Variants in MAST4 observed in about 807,000 individuals in gnomAD.
MAST4 encodes the protein microtubule-associated serine/threonine-protein kinase 4.
Under a neutral mutation model 162.7 loss-of-function variants are expected in MAST4, and 89 were observed. The ratio of observed to expected loss-of-function variants is 0.55; its 90% CI spans 0.46 to 0.65. The LOEUF is 0.65. Ranked by LOEUF, MAST4 falls within the 30% of genes least tolerant of loss-of-function variation. MAST4 has a pLI of 0.00. For synonymous variants in MAST4, 1,479 were observed against 1,361.1 expected (o/e 1.09, Z -1.91); for missense variants, 3,153 against 3,374.0 (o/e 0.93, Z 1.62).
At chr5:66,695,492 A>G (rs1749341171) in intron 1 of MAST4, among the ~76,000 whole-genome samples, 1 of 152,140 alleles carries the variant, frequency 6.6e-6, no homozygotes, top group Non-Finnish European at 1.5e-5. Flanking sequence ...TGTCTTGGCT[A>G]TATGGGCTCT....
chr5:66,618,910 G>A (rs563135034), intron 1 of MAST4, among the ~76,000 whole-genome samples: 4 of 152,128 alleles, frequency 2.6e-5, no homozygotes, highest in Non-Finnish European at 5.9e-5. Context: ...CAGGGCATCG[G>A]TGTCTTTCTG....
At chr5:66,828,121 A>G (rs1757362325) in intron 3 of MAST4, among the ~76,000 whole-genome samples, 1 of 152,168 alleles carries the variant, frequency 6.6e-6, no homozygotes. Flanking sequence ...CAGCAGAACT[A>G]AGTTATTATC....
At chr5:66,779,205 G>GA (rs1402579626) in intron 2 of MAST4, among the ~76,000 whole-genome samples, 5 of 152,166 alleles carry the variant, frequency 3.3e-5, no homozygotes, top group Non-Finnish European at 7.3e-5. Flanking sequence ...ACAGTCTTAA[G>GA]ACCTTGATGC....
intron 4 of MAST4, among the ~76,000 whole-genome samples, chr5:66,953,972 G>C (rs1241108069): frequency 6.6e-6 from 1 of 152,140 alleles, no homozygotes; most frequent in South Asian, 2.1e-4. Flanking sequence ...CTACTCTAGA[G>C]AATGCATAGA....
chr5:66,955,661 G>C (rs1745223194), intron 4 of MAST4, among the ~76,000 whole-genome samples: 1 of 152,086 alleles, frequency 6.6e-6, no homozygotes, highest in Non-Finnish European at 1.5e-5. Flanking sequence ...AACTCTATAT[G>C]TATTACTTCA....
intron 26 of MAST4, among the ~76,000 whole-genome samples, chr5:67,156,158 C>T (rs112941275): frequency 7.8e-4 from 118 of 151,842 alleles, no homozygotes; most frequent in Non-Finnish European, 1.4e-3. Flanking sequence ...CGGGAATAAA[C>T]GCATGTAATC....
chr5:67,063,913 G>T (rs992794181), intron 5 of MAST4, among the ~76,000 whole-genome samples: 1 of 152,184 alleles, frequency 6.6e-6, no homozygotes. Flanking sequence ...TGGAAGACTG[G>T]ACGGGACATT....
At chr5:67,160,792 T>C (rs1344382157) in intron 27 of MAST4, among the ~76,000 whole-genome samples, 200 bp downstream of exon 27, 1 of 152,222 alleles carries the variant, frequency 6.6e-6, no homozygotes, top group African/African-American at 2.4e-5. Context: ...CATATTTACA[T>C]TGTGGAAGGA....
chr5:66,884,753 C>T lies in MAST4; in HGVS notation c.643-15198C>T, dbSNP rs150776295. Among the ~76,000 whole-genome samples the T allele has an allele frequency of 5.5e-3, 843 of 152,320 alleles. 4 individuals carry two copies. Among genetic ancestry groups the T allele is most frequent in the African/African-American group, 0.019 (788 of 41,574 alleles). On this transcript the variant is annotated intron_variant, in intron 3 of 28. Coordinates refer to ENST00000403625, the MANE Select transcript of MAST4 (RefSeq NM_001164664.2). Reference sequence around the variant, plus strand: ...CCTCAAATGAAAAAAGACGGCTAGCCGCCTAGACTGCAATTGCAAGGAAAG... The same window carrying T: ...CCTCAAATGAAAAAAGACGGCTAGCTGCCTAGACTGCAATTGCAAGGAAAG...
Position 67,164,165 on chromosome 5 carries a change from A to G in MAST4, c.4986A>G (p.Glu1662=), listed in dbSNP as rs1281626359. Residue 1662 remains glutamate (E), a synonymous_variant, in exon 29 of 29, where the codon GAA becomes GAG. Coordinates refer to ENST00000403625, the MANE Select transcript of MAST4 (RefSeq NM_001164664.2). The surrounding 1 kb of genome is among the most constrained non-coding windows in gnomAD (Gnocchi z 5.3). ...ACAGGGGCATCTCTGGGAAGGGGGA[A>G]GGCACGGAGAAGTCCTCCCAGGCCA... ...SLDRGISGKG[E]GTEKSSQAKE... 3 of 1,610,050 alleles carry G rather than the reference A, an allele frequency of 1.9e-6. No homozygotes were observed. The highest frequency in any genetic ancestry group is 1.1e-5 in the South Asian group (1 of 90,184).
At chr5:67,022,359 G>A (rs1453047252) in intron 4 of MAST4, among the ~76,000 whole-genome samples, 2 of 151,622 alleles carry the variant, frequency 1.3e-5, no homozygotes, top group Admixed American at 6.6e-5. Flanking sequence ...CTCTCATATT[G>A]CATGGTACAT....
At chr5:67,042,926 G>C (rs939155303) in intron 4 of MAST4, among the ~76,000 whole-genome samples, 26 of 152,312 alleles carry the variant, frequency 1.7e-4, no homozygotes, top group African/African-American at 6.3e-4. Flanking sequence ...CATGAAATCA[G>C]GGACAGTTCA....
chr5:66,888,253 C>G (rs1160623486), intron 3 of MAST4, among the ~76,000 whole-genome samples: 1 of 152,116 alleles, frequency 6.6e-6, no homozygotes, highest in African/African-American at 2.4e-5. Flanking sequence ...CATTAATCTT[C>G]CATCGTGCTC....
chr5:66,758,486 G>A (rs1305079639), intron 1 of MAST4, among the ~76,000 whole-genome samples: 1 of 151,884 alleles, frequency 6.6e-6, no homozygotes, highest in East Asian at 1.9e-4. Context: ...CTGCAGTCAT[G>A]GCTCACTGTA....
At chr5:66,737,149 G>T (rs1451859074) in intron 1 of MAST4, among the ~76,000 whole-genome samples, 1 of 152,182 alleles carries the variant, frequency 6.6e-6, no homozygotes, top group African/African-American at 2.4e-5. Flanking sequence ...AGCTGGTTGG[G>T]TGGCTCTGGG....
At chr5:67,104,808 A>G (rs1051256015) in intron 10 of MAST4, among the ~76,000 whole-genome samples, 10 of 152,194 alleles carry the variant, frequency 6.6e-5, no homozygotes, top group African/African-American at 2.4e-4. Flanking sequence ...TTAGGACCCA[A>G]CAATCTATGA....
chr5:67,131,789 C>T lies in MAST4; in HGVS notation c.1955-24C>T, dbSNP rs1304052229. 3.1e-6 allele frequency: 5 copies of T among 1,609,894 alleles called. No individual in the cohort carries two copies. The Admixed American group carries it at 6.7e-5, about 22-fold the overall frequency. On this transcript the variant is annotated intron_variant, in intron 15 of 28. Coordinates refer to ENST00000403625, the MANE Select transcript of MAST4 (RefSeq NM_001164664.2). ...ACATTAAGCCTTCATCCTATAGCTA[C>T]TAACTCTTTTTCCTGTGTTACAGGG...
intron 1 of MAST4, among the ~76,000 whole-genome samples, chr5:66,676,553 A>T (rs901340386): frequency 6.6e-6 from 1 of 152,210 alleles, no homozygotes; most frequent in Non-Finnish European, 1.5e-5. Context: ...ATACGAATTC[A>T]TCATAAAGCT....
At chr5:67,046,286 C>T (rs900074955) in intron 4 of MAST4, among the ~76,000 whole-genome samples, 4 of 152,180 alleles carry the variant, frequency 2.6e-5, no homozygotes, top group African/African-American at 4.8e-5. Flanking sequence ...ACTGAAATTA[C>T]GAGATTATTT....
Sources: allele counts gnomAD v4.1 joint callset (sites outside exome capture counted in the v4.1 genomes callset), GRCh38; gene constraint gnomAD v4.1.1; non-coding constraint Gnocchi (gnomAD v3.1); transcripts MANE v1.5; gene names NCBI Gene and HGNC (gene_info 2026-07-23, HGNC 2026-07-21).